PNKD: variants seen among roughly 807,000 people sequenced by gnomAD.
PNKD encodes the protein PNKD metallo-beta-lactamase domain containing.
PNKD carries 36 observed loss-of-function variants against 45.3 expected under a neutral mutation model. The observed-to-expected ratio is 0.80, with a 90% CI of 0.61 to 1.05. The LOEUF (loss-of-function observed/expected upper bound fraction) is 1.05, where lower values mean the gene tolerates loss of function less well. Ranked by LOEUF, PNKD falls within the 50% of genes least tolerant of loss-of-function variation. The pLI is 0.00. For missense variants in PNKD, 511 were observed against 506.6 expected, an observed-to-expected ratio of 1.01 and a Z score of -0.08; for synonymous variants, 197 against 210.1, an observed-to-expected ratio of 0.94 and a Z score of 0.54.
chr2:218,276,335 A>G (rs1424260674), intron 2 of PNKD, among the ~76,000 whole-genome samples: 1 of 152,228 alleles, frequency 6.6e-6, no homozygotes, highest in Non-Finnish European at 1.5e-5. Flanking sequence ...AGTGTCTACT[A>G]TACTTCTAGA....
chr2:218,330,393 C>G (rs1051308375), intron 2 of PNKD, among the ~76,000 whole-genome samples: 1 of 152,214 alleles, frequency 6.6e-6, no homozygotes, highest in African/African-American at 2.4e-5. Flanking sequence ...GGGGCAGTGG[C>G]TCACTGTCCC....
chr2:218,323,151 G>T (rs1181743682), intron 2 of PNKD: 2 of 1,339,024 alleles, frequency 1.5e-6, no homozygotes, highest in Non-Finnish European at 1.9e-6. Flanking sequence ...TGGGCGGGGC[G>T]GGGCCACAAC....
intron 3 of PNKD, 21 bp downstream of exon 3, chr2:218,339,919 C>T (rs1694619975): frequency 2.6e-6 from 4 of 1,543,738 alleles, no homozygotes; most frequent in Non-Finnish European, 3.6e-6. Flanking sequence ...ACTGCCCCGG[C>T]CAGCATCCCC....
chr2:218,322,776 T>G (rs1176509568), intron 2 of PNKD, among the ~76,000 whole-genome samples: 1 of 152,236 alleles, frequency 6.6e-6, no homozygotes, highest in Non-Finnish European at 1.5e-5. Context: ...CAGTGTGCCT[T>G]TGACCCTTGC....
chr2:218,281,956 C>G, intron 2 of PNKD: 1 of 1,598,678 alleles, frequency 6.3e-7, no homozygotes, highest in Non-Finnish European at 8.5e-7. Context: ...TCATGGGCAT[C>G]GGGTGGGTGG....
chr2:218,275,759 C>A, intron 2 of PNKD: 1 of 1,100,974 alleles, frequency 9.1e-7, no homozygotes, highest in Non-Finnish European at 1.3e-6. Flanking sequence ...AACATATGGG[C>A]TCTATACTGT....
At chr2:218,327,811 G>A (rs1328848808) in intron 2 of PNKD, 7 of 152,500 alleles carry the variant, frequency 4.6e-5, no homozygotes, top group African/African-American at 1.7e-4. Context: ...CACCTTCAAA[G>A]GTACCCAGAA....
chr2:218,324,212 C>T (rs1694078558), intron 2 of PNKD, among the ~76,000 whole-genome samples: 1 of 152,214 alleles, frequency 6.6e-6, no homozygotes, highest in African/African-American at 2.4e-5. Flanking sequence ...GAAGACAGGC[C>T]TCCGAGGCCC....
chr2:218,344,624 G>A (rs926892980), intron 9 of PNKD, 54 bp downstream of exon 9: 9 of 1,501,694 alleles, frequency 6.0e-6, no homozygotes, highest in African/African-American at 2.8e-5. Context: ...CAGCCCCAAC[G>A]GGAACCCATC....
At chr2:218,327,881 G>T (rs1341182472) in intron 2 of PNKD, 1 of 147,764 alleles carries the variant, frequency 6.8e-6, no homozygotes, top group Non-Finnish European at 1.5e-5. Flanking sequence ...AGAATCGCTT[G>T]AACCCAGGAG....
intron 2 of PNKD, among the ~76,000 whole-genome samples, chr2:218,304,490 G>T (rs892021429): frequency 6.6e-6 from 1 of 152,164 alleles, no homozygotes; most frequent in African/African-American, 2.4e-5. Flanking sequence ...TTCAGGCCCA[G>T]GGGTGGCGAC....
intron 2 of PNKD, among the ~76,000 whole-genome samples, chr2:218,291,834 G>A (rs950399426): frequency 1.3e-5 from 2 of 152,232 alleles, no homozygotes; most frequent in African/African-American, 4.8e-5. Context: ...AACAGTGGCT[G>A]GAAGTGGGAC....
chr2:218,272,518 T>C (rs1013404932), intron 2 of PNKD: 3 of 1,591,358 alleles, frequency 1.9e-6, no homozygotes, highest in African/African-American at 2.7e-5. Context: ...CCAGCTCCTC[T>C]GGCTCAGGCT....
At chr2:218,325,614 G>T (rs1451272696) in intron 2 of PNKD, among the ~76,000 whole-genome samples, 4 of 152,146 alleles carry the variant, frequency 2.6e-5, no homozygotes, top group African/African-American at 9.7e-5. Flanking sequence ...TTCAAAATTA[G>T]TAAGTTTGAG....
chr2:218,307,487 G>A lies in PNKD; in HGVS notation c.237-32296G>A, dbSNP rs536438182. ...CATGTAACCTACATCCCTCACATGC[G>A]CAGTTCACAATAGGGTGCGAGCTCC... On this transcript the variant is annotated intron_variant, in intron 2 of 9. Transcript: ENST00000273077. Among the ~76,000 whole-genome samples the A allele has an allele frequency of 3.9e-5, 6 of 152,198 alleles. No homozygotes were observed. In the East Asian group the frequency reaches 7.7e-4, roughly 20 times the overall value.
chr2:218,275,134 T>C (rs1691065809), intron 2 of PNKD: 2 of 186,160 alleles, frequency 1.1e-5, no homozygotes, highest in Non-Finnish European at 2.2e-5. Flanking sequence ...ACCTTTCATA[T>C]TCCCTTCTAG....
rs1190557419 is a variant in PNKD, at chr2:218,340,036, G to C, written c.360G>C (p.Lys120Asn). The C allele has an allele frequency of 1.9e-6, 3 of 1,609,996 alleles. No individual in the cohort carries two copies. The highest frequency in any genetic ancestry group is 2.6e-6 in the Non-Finnish European group (3 of 1,176,334). Residue 120 changes from lysine to asparagine, a missense_variant, in exon 4 of 10, where the codon AAG becomes AAC. By Grantham distance (94) the Lys-to-Asn change is moderately conservative (BLOSUM62 0). Transcript: ENST00000273077. This position sits in a 1 kb window ranked among gnomAD's most constrained non-coding sequence, Gnocchi z 4.2. ...KTQPRLFNGVKVLPIPVLSDN... is the reference protein window; with the variant it reads ...KTQPRLFNGVNVLPIPVLSDN... Reference sequence around the variant, plus strand: ...GCCCATCTCTGTCCCCAGGAGTGAAGGTGCTTCCCATCCCTGTCCTCTCGG... The same window carrying C: ...GCCCATCTCTGTCCCCAGGAGTGAACGTGCTTCCCATCCCTGTCCTCTCGG...
At chr2:218,336,791 T>C (rs1438686507) in intron 2 of PNKD, among the ~76,000 whole-genome samples, 21 of 109,092 alleles carry the variant, frequency 1.9e-4, no homozygotes, top group Non-Finnish European at 6.7e-5. Flanking sequence ...TTCAATTCTT[T>C]TTTTTTTTTT....
At chr2:218,331,354 C>T (rs1460152215) in intron 2 of PNKD, among the ~76,000 whole-genome samples, 1 of 151,830 alleles carries the variant, frequency 6.6e-6, no homozygotes, top group African/African-American at 2.4e-5. Flanking sequence ...TTGCAGTGAG[C>T]TGAGATCATG....
Sources: allele counts gnomAD v4.1 joint callset (sites outside exome capture counted in the v4.1 genomes callset), GRCh38; gene constraint gnomAD v4.1.1; non-coding constraint Gnocchi (gnomAD v3.1); transcripts MANE v1.5; gene names NCBI Gene and HGNC (gene_info 2026-07-23, HGNC 2026-07-21).